Variants in ABHD2 observed in about 807,000 individuals in gnomAD.
ABHD2 encodes the protein abhydrolase domain containing 2, acylglycerol lipase.
A neutral mutation model predicts 48.1 loss-of-function variants in ABHD2; 20 were observed. The ratio of observed to expected loss-of-function variants is 0.42; its 90% CI spans 0.29 to 0.60. ABHD2 has a LOEUF of 0.60. ABHD2 is among the 20% of genes least tolerant of loss of function. The probability of loss-of-function intolerance (pLI) is 0.24; values close to 1 mark genes in which losing one functional copy is unlikely to be tolerated. For synonymous variants in ABHD2, 209 were observed against 214.2 expected (o/e 0.98, Z 0.21); for missense variants, 405 against 550.9 (o/e 0.74, Z 2.65).
the ABHD2 span, among the ~76,000 whole-genome samples, chr15:89,050,687 C>T: frequency 9.9e-4 from 150 of 152,232 alleles, no homozygotes; most frequent in African/African-American, 3.3e-3. Context: ...GCTGGCTTTC[C>T]CTCAGATGCC....
At position 89,182,609 on chromosome 15, in the gene ABHD2, C is replaced by T. The variant is rs977136693; in HGVS notation, c.723-2815C>T. On this transcript the variant is annotated intron_variant, in intron 6 of 10. Transcript: ENST00000352732. This position sits in a 1 kb window ranked among gnomAD's most constrained non-coding sequence, Gnocchi z 4.8. ...TTCTAGACCACCCTGGCCAACATGA[C>T]GAAACCCCGTATTCTACTAAAAAAA... is the stretch of plus-strand genomic sequence containing the variant. Among the ~76,000 whole-genome samples the T allele has an allele frequency of 3.9e-5, 6 of 152,042 alleles. No individual in the cohort carries two copies. Among genetic ancestry groups the T allele is most frequent in the Non-Finnish European group, 7.4e-5 (5 of 68,008 alleles).
chr15:89,120,601 C>T lies in ABHD2; in HGVS notation c.194+4080C>T, dbSNP rs1181180927. ...TCACGGGTTCAAGTGATTCTCCTAC[C>T]TCAGCCTCCTGAGTAGCTGGGATTA... On this transcript the variant is annotated intron_variant, in intron 3 of 10. Coordinates refer to ENST00000352732, the MANE Select transcript of ABHD2 (RefSeq NM_152924.5). This position sits in a 1 kb window ranked among gnomAD's most constrained non-coding sequence, Gnocchi z 4.2. 6.6e-6 allele frequency among the ~76,000 whole-genome samples: 1 copy of T among 152,300 alleles called. No homozygotes were observed. Among genetic ancestry groups the T allele is most frequent in the Non-Finnish European group, 1.5e-5 (1 of 68,032 alleles).
rs565698990 is a variant in ABHD2 at position 89,155,628 on chromosome 15, A to T, written c.538+94A>T. 2.1e-6 allele frequency: 3 copies of T among 1,458,260 alleles called. No individual in the cohort carries two copies. In the African/African-American group the frequency reaches 4.2e-5, roughly 21 times the overall value. The allele number at this position is 1,458,260 out of a possible 1,614,324, so 90.3% of individuals were successfully genotyped here. A position where few individuals can be genotyped will look rare whatever the true frequency, so the allele number is the denominator to read the frequency against. ...TTTTCTTTTTTTAAGTTTTAAACCT[A>T]TGCCCATCTGCAAGAGATGGTAGGT... On this transcript the variant is annotated intron_variant, in intron 5 of 10. Coordinates refer to ENST00000352732, the MANE Select transcript of ABHD2 (RefSeq NM_152924.5). This position sits in a 1 kb window ranked among gnomAD's most constrained non-coding sequence, Gnocchi z 4.9.
chr15:89,122,248 C>T (rs570652954), intron 3 of ABHD2, among the ~76,000 whole-genome samples: 15 of 152,296 alleles, frequency 9.8e-5, no homozygotes, highest in Non-Finnish European at 1.9e-4. Flanking sequence ...CTTCTGTGTC[C>T]GTTTAAAATG....
At chr15:89,165,322 CTT>C (rs2050821898) in intron 5 of ABHD2, among the ~76,000 whole-genome samples, 1 of 152,010 alleles carries the variant, frequency 6.6e-6, no homozygotes, top group Non-Finnish European at 1.5e-5. Flanking sequence ...ATTCCTCACA[CTT>C]AACTTTTGTA....
At chr15:89,070,140 A>G in the ABHD2 span, 1 of 152,228 alleles carries the variant, frequency 6.6e-6, no homozygotes, top group East Asian at 1.9e-4. Context: ...CTGAAGGAGC[A>G]GGCTCTATCT....
chr15:89,074,332 T>C, the ABHD2 span, among the ~76,000 whole-genome samples: 1 of 151,070 alleles, frequency 6.6e-6, no homozygotes, highest in African/African-American at 2.4e-5. Context: ...GCAGAGATCA[T>C]GACACTGCAT....
chr15:89,051,762 G>T, the ABHD2 span, among the ~76,000 whole-genome samples: 92 of 152,340 alleles, frequency 6.0e-4, 3 homozygotes, highest in South Asian at 0.019. Flanking sequence ...CCATGATTGT[G>T]AGGTGTCCCC....
In ABHD2 at chr15:89,196,398, A is replaced by G. The variant is rs1178240797; in HGVS notation, c.*975A>G. On this transcript the variant is annotated 3_prime_UTR_variant, in exon 11 of 11. Transcript: ENST00000352732. ...CTGGACAAAGTCGCTGTGGACTTCA[A>G]TTTCTTCACCTCTAAAATGGGGGAC... 1 of 152,080 alleles carries G rather than the reference A, an allele frequency of 6.6e-6. No homozygotes were observed. The highest frequency in any genetic ancestry group is 1.5e-5 in the Non-Finnish European group (1 of 68,022). The allele number at this position is 152,080 out of a possible 1,614,324, so 9.4% of individuals were successfully genotyped here. A position where few individuals can be genotyped will look rare whatever the true frequency, so the allele number is the denominator to read the frequency against.
intron 9 of ABHD2, among the ~76,000 whole-genome samples, chr15:89,192,180 A>T (rs895278826): frequency 2.0e-5 from 3 of 152,158 alleles, no homozygotes; most frequent in African/African-American, 7.2e-5. Flanking sequence ...GCTAAAGCAG[A>T]TCACTGGAAA....
At chr15:89,107,735 T>C (rs1353057063) in intron 1 of ABHD2, among the ~76,000 whole-genome samples, 1 of 152,204 alleles carries the variant, frequency 6.6e-6, no homozygotes, top group Non-Finnish European at 1.5e-5. Context: ...ATTTACATCT[T>C]CAACCAGATG....
the ABHD2 span, among the ~76,000 whole-genome samples, chr15:89,063,483 T>C: frequency 6.6e-6 from 1 of 152,030 alleles, no homozygotes; most frequent in East Asian, 1.9e-4. Flanking sequence ...ACTCTTTTCC[T>C]ATATATGCGT....
In ABHD2 at chr15:89,198,675, CCTCTTAGACCAT is replaced by C. The variant is rs1374543144; in HGVS notation, c.*3257_*3268del. 2.6e-5 allele frequency: 4 copies of C among 152,218 alleles called. No homozygotes were observed. The highest frequency in any genetic ancestry group is 9.6e-5 in the African/African-American group (4 of 41,452). The allele number at this position is 152,218 out of a possible 1,614,324, so 9.4% of individuals were successfully genotyped here. A position where few individuals can be genotyped will look rare whatever the true frequency, so the allele number is the denominator to read the frequency against. ...CCTCACCTCTCTGAGCCTGTTCCCT[CCTCTTAGACCAT>C]CTCTAAGACCACTTCATCTATTTAC... On this transcript the variant is annotated 3_prime_UTR_variant, in exon 11 of 11. Transcript: ENST00000352732. The surrounding 1 kb of genome is among the most constrained non-coding windows in gnomAD (Gnocchi z 5.1).
chr15:89,068,997 G>A, the ABHD2 span, among the ~76,000 whole-genome samples: 21 of 151,542 alleles, frequency 1.4e-4, no homozygotes. Context: ...TTGAACTCCT[G>A]ACCTTGTGAT....
At chr15:89,142,895 A>G (rs1463684534) in intron 3 of ABHD2, among the ~76,000 whole-genome samples, 1 of 152,208 alleles carries the variant, frequency 6.6e-6, no homozygotes, top group African/African-American at 2.4e-5. Context: ...ACCCAGTGAC[A>G]TTTTGAATAT....
At chr15:89,127,722 C>CAT (rs72455898) in intron 3 of ABHD2, among the ~76,000 whole-genome samples, 4,041 of 133,062 alleles carry the variant, frequency 0.03, 163 homozygotes, top group African/African-American at 0.055. Context: ...TATATATACA[C>CAT]ATATATATAT....
chr15:89,077,151 T>C, the ABHD2 span, among the ~76,000 whole-genome samples: 2 of 152,338 alleles, frequency 1.3e-5, no homozygotes, highest in East Asian at 3.9e-4. Context: ...TCTCAGGCCC[T>C]TTCCCAGTCT....
chr15:89,103,095 G>A (rs2049726853), intron 1 of ABHD2, among the ~76,000 whole-genome samples: 2 of 152,174 alleles, frequency 1.3e-5, no homozygotes, highest in African/African-American at 4.8e-5. Flanking sequence ...CAACCCAGAG[G>A]GCTTCCTTTC....
the ABHD2 span, among the ~76,000 whole-genome samples, chr15:89,062,725 G>A: frequency 6.6e-6 from 1 of 152,032 alleles, no homozygotes; most frequent in African/African-American, 2.4e-5. Flanking sequence ...GGAAGGCCAG[G>A]GGTTGGGGAG....
Sources: gnomAD v4.1 joint callset for allele counts (sites outside exome capture counted in the v4.1 genomes callset) on GRCh38, gnomAD v4.1.1 for gene constraint, Gnocchi (gnomAD v3.1) non-coding constraint, MANE v1.5 for transcripts, NCBI Gene and HGNC (gene_info 2026-07-23, HGNC 2026-07-21) for gene names.